CNBD2: variants seen among roughly 807,000 people sequenced by gnomAD.
The protein encoded by CNBD2 is cyclic nucleotide-binding domain-containing protein 2.
In CNBD2, 64 loss-of-function variants were observed where a neutral mutation model predicts 63.7. The ratio of observed to expected loss-of-function variants is 1.00; its 90% confidence interval spans 0.82 to 1.24. CNBD2 has a LOEUF of 1.24. Among genes scored for constraint, CNBD2 ranks in the 50% most tolerant of loss-of-function variants. CNBD2 has a pLI of 0.00. For missense variants in CNBD2, 691 were observed against 713.5 expected (o/e 0.97, Z 0.36); for synonymous variants, 229 against 255.4 (o/e 0.90, Z 0.99).
At chr20:36,023,410 G>A (rs758455937) in intron 10 of CNBD2, among the ~76,000 whole-genome samples, 192 bp from the exon 11 acceptor site, 2 of 152,132 alleles carry the variant, frequency 1.3e-5, no homozygotes, top group Non-Finnish European at 2.9e-5. Flanking sequence ...TACTCAGGTG[G>A]CTGAGGCAGG....
chr20:35,984,127 A>G lies in CNBD2; in HGVS notation c.553A>G (p.Ser185Gly). The G allele has an allele frequency of 6.2e-7, 1 of 1,606,486 alleles. No homozygotes were observed. Among genetic ancestry groups the G allele is most frequent in the Middle Eastern group, 1.7e-4 (1 of 5,960 alleles). Residue 185 changes from serine (S) to glycine (G), a missense_variant, in exon 5 of 12, where the codon AGC becomes GGC. Transcript: ENST00000373973. ...DPHPKLLHKGSCFGEMDVLHA... is the reference protein window; with the variant it reads ...DPHPKLLHKGGCFGEMDVLHA... The stretch of plus-strand genomic sequence containing the variant: ...CCACCCGAAATTGCTGCACAAGGGT[A>G]GCTGTTTTGGGGTAAGCCCAGGGGA...
At chr20:35,968,956 G>A in intron 1 of CNBD2, 143 bp downstream of exon 1, 1 of 634,866 alleles carries the variant, frequency 1.6e-6, no homozygotes, top group East Asian at 3.0e-5. Context: ...ATGGCACAAA[G>A]GAGGGACCCC....
chr20:35,970,973 A>G (rs1482129472), intron 1 of CNBD2, among the ~76,000 whole-genome samples: 5 of 127,644 alleles, frequency 3.9e-5, no homozygotes, highest in Admixed American at 8.2e-5. Flanking sequence ...TTTGAGACGG[A>G]GTCTCGCTCT....
At chr20:36,006,386 A>C (rs2056985845) in intron 8 of CNBD2, among the ~76,000 whole-genome samples, 1 of 151,400 alleles carries the variant, frequency 6.6e-6, no homozygotes, top group Non-Finnish European at 1.5e-5. Context: ...TAGAGTGCAC[A>C]TATTTTATGT....
chr20:35,995,038 G>A lies in CNBD2; in HGVS notation c.856G>A (p.Gly286Ser). The change falls in exon 8 of 12, where the codon GGC becomes AGC. Residue 286 changes from glycine (G) to serine (S), a missense_variant and splice_region_variant. Gly to Ser is a moderately conservative substitution (Grantham distance 56, BLOSUM62 0). Coordinates refer to ENST00000373973, the MANE Select transcript of CNBD2 (RefSeq NM_001365709.1). ...ESPFIMFISKGSCEVLRLLDL... is the reference protein window; with the variant it reads ...ESPFIMFISKSSCEVLRLLDL... ...TTCCTATGTCCCTTGCTGTGTTCAG[G>A]GCAGCTGTGAAGTCCTGCGGCTGTT... 6.2e-7 allele frequency: 1 copy of A among 1,612,436 alleles called. No homozygotes were observed.
At position 36,007,189 on chromosome 20, in the gene CNBD2, A is replaced by AAAATAAATAAATAAAT. The variant is rs553581625; in HGVS notation, c.971-1093_971-1078dup. On this transcript the variant is annotated intron_variant, in intron 8 of 11. Coordinates refer to ENST00000373973, the MANE Select transcript of CNBD2 (RefSeq NM_001365709.1). Reference sequence around the variant, plus strand: ...GGGCGACAGAGTGAGAATCCTCTCAAAAATAAATAAATAAATAAATAAATA... The same window carrying AAAATAAATAAATAAAT: ...GGGCGACAGAGTGAGAATCCTCTCAAAAATAAATAAATAAATAAATAAATAAATAAATAAATAAATA... Among the ~76,000 whole-genome samples, 1,173 of 151,710 alleles carry AAAATAAATAAATAAAT rather than the reference A, an allele frequency of 7.7e-3. 13 individuals are homozygous for AAAATAAATAAATAAAT. The highest frequency in any genetic ancestry group is 0.027 in the African/African-American group (1,112 of 41,094).
chr20:35,992,441 G>A (rs1024306154), intron 7 of CNBD2, among the ~76,000 whole-genome samples: 1 of 152,158 alleles, frequency 6.6e-6, no homozygotes, highest in African/African-American at 2.4e-5. Flanking sequence ...TAAAAAGGCA[G>A]ATTTGCTGTC....
rs1279841456 is a variant in CNBD2 at position 36,019,516 on chromosome 20, T to A, written c.1270-4086T>A. On this transcript the variant is annotated intron_variant, in intron 10 of 11. Coordinates refer to ENST00000373973, the MANE Select transcript of CNBD2 (RefSeq NM_001365709.1). ...CCAGCCTAGGGACAGAGTGAGACCT[T>A]GTCTCAAAAAAAGAAAAAAAAAAAA... Among the ~76,000 whole-genome samples, 6 of 127,160 alleles carry A rather than the reference T, an allele frequency of 4.7e-5. No homozygotes were observed. In the East Asian group the frequency reaches 1.3e-3, roughly 28 times the overall value. 83.4% of individuals were successfully genotyped at this position (127,160 alleles called of 152,430 possible). A position where few individuals can be genotyped will look rare whatever the true frequency, so the allele number is the denominator to read the frequency against.
intron 10 of CNBD2, among the ~76,000 whole-genome samples, chr20:36,017,922 C>G (rs529633312): frequency 6.6e-6 from 1 of 152,182 alleles, no homozygotes; most frequent in Non-Finnish European, 1.5e-5. Context: ...CACAGCCAAG[C>G]GTGGTCACCC....
At chr20:36,029,915 C>A (rs1387987459) in intron 11 of CNBD2, among the ~76,000 whole-genome samples, 2 of 152,162 alleles carry the variant, frequency 1.3e-5, no homozygotes, top group Admixed American at 6.6e-5. Flanking sequence ...CATGGCCAGT[C>A]CAAGGCAGCC....
intron 1 of CNBD2, among the ~76,000 whole-genome samples, chr20:35,971,882 T>C (rs2056424338): frequency 6.6e-6 from 1 of 152,204 alleles, no homozygotes; most frequent in Admixed American, 6.5e-5. Flanking sequence ...TATAGATTCT[T>C]CTACATCCTG....
intron 10 of CNBD2, among the ~76,000 whole-genome samples, chr20:36,019,713 G>A (rs1295380009): frequency 6.6e-6 from 1 of 151,958 alleles, no homozygotes; most frequent in African/African-American, 2.4e-5. Flanking sequence ...AGGCTGAGAT[G>A]GAGGGCTTGG....
At chr20:36,021,946 A>C (rs1354055746) in intron 10 of CNBD2, among the ~76,000 whole-genome samples, 1 of 152,002 alleles carries the variant, frequency 6.6e-6, no homozygotes, top group Non-Finnish European at 1.5e-5. Flanking sequence ...GGCCTGCAGG[A>C]AAGTGTGGGG....
upstream of CNBD2, chr20:35,954,512 GGC>G: frequency 7.2e-6 from 11 of 1,532,472 alleles, no homozygotes; most frequent in Non-Finnish European, 9.7e-6. Context: ...CGTCCAGGTC[GGC>G]GCGCGAGCAC....
chr20:35,982,311 T>C (rs1227278329), intron 4 of CNBD2, among the ~76,000 whole-genome samples: 2 of 152,198 alleles, frequency 1.3e-5, no homozygotes, highest in Non-Finnish European at 2.9e-5. Context: ...CATTGTCTCC[T>C]GGGTAAAATC....
intron 10 of CNBD2, among the ~76,000 whole-genome samples, chr20:36,014,040 G>A (rs770368152): frequency 1.8e-4 from 28 of 151,814 alleles, no homozygotes; most frequent in Non-Finnish European, 2.5e-4. Context: ...AAAATTAGCC[G>A]GGCGTGGTGG....
At chr20:36,005,360 T>C (rs2056970220) in intron 8 of CNBD2, among the ~76,000 whole-genome samples, 1 of 152,132 alleles carries the variant, frequency 6.6e-6, no homozygotes, top group Admixed American at 6.6e-5. Flanking sequence ...CCTATGAGAC[T>C]CTAATGCCGC....
intron 7 of CNBD2, among the ~76,000 whole-genome samples, chr20:35,993,501 T>C (rs2056777229): frequency 6.6e-6 from 1 of 152,254 alleles, no homozygotes; most frequent in Non-Finnish European, 1.5e-5. Context: ...CCATTAAACA[T>C]GATACTATAG....
intron 10 of CNBD2, among the ~76,000 whole-genome samples, chr20:36,019,089 A>G (rs2147355980): frequency 6.6e-6 from 1 of 152,328 alleles, no homozygotes; most frequent in South Asian, 2.1e-4. Flanking sequence ...CAAACAGATA[A>G]CTAGTAAATA....
Sources: allele counts gnomAD v4.1 joint callset (sites outside exome capture counted in the v4.1 genomes callset), GRCh38; gene constraint gnomAD v4.1.1; transcripts MANE v1.5; gene names NCBI Gene and HGNC (gene_info 2026-07-23, HGNC 2026-07-21).